Variants in SOD2 observed in about 807,000 individuals in gnomAD.
The protein encoded by SOD2 is superoxide dismutase [Mn], mitochondrial.
SOD2 carries 11 observed loss-of-function variants against 27.0 expected under a neutral mutation model. The ratio of observed to expected loss-of-function variants is 0.41; its 90% CI spans 0.26 to 0.67. SOD2 has a LOEUF of 0.67. SOD2 is among the 30% of genes least tolerant of loss of function. SOD2 has a pLI of 0.34. For missense variants in SOD2, 250 were observed against 274.5 expected, an observed-to-expected ratio of 0.91 and a Z score of 0.63; for synonymous variants, 105 against 103.0, an observed-to-expected ratio of 1.02 and a Z score of -0.12.
chr6:159,692,289 C>T (rs2842960), intron 2 of SOD2: 346,249 of 724,018 alleles, frequency 0.48, 85,733 homozygotes, highest in Admixed American at 0.55. Context: ...CCCCAAAGCA[C>T]ATTATACAAC....
At chr6:159,749,343 A>G (rs1404342220), upstream of SOD2, 5 of 985,732 alleles carry the variant, frequency 5.1e-6, no homozygotes, top group Non-Finnish European at 6.0e-6. Context: ...GTTGGTGTTA[A>G]TGGGGGAATG....
Position 159,725,831 on chromosome 6 carries a change from A to G in SOD2, c.-116+1298T>C, listed in dbSNP as rs138195489. 1.9e-3 allele frequency: 288 copies of G among 152,260 alleles called. 1 individual carries two copies. Among genetic ancestry groups the G allele is most frequent in the African/African-American group, 6.8e-3 (283 of 41,572 alleles). 9.4% of individuals were successfully genotyped at this position (152,260 alleles called of 1,614,324 possible). A position where few individuals can be genotyped will look rare whatever the true frequency, so the allele number is the denominator to read the frequency against. The stretch of plus-strand genomic sequence containing the variant: ...TATATGCTTATTTTTGCTTTTGAAT[A>G]CAGTGAATACTTACTACACTTAAAT... On this transcript the variant is annotated intron_variant, in intron 1 of 2. Transcript: ENST00000401980.
chr6:159,719,710 T>C (rs958765787), intron 1 of SOD2, among the ~76,000 whole-genome samples: 9 of 141,962 alleles, frequency 6.3e-5, no homozygotes, highest in African/African-American at 2.3e-4. Flanking sequence ...AACTCAGTAT[T>C]ATGGTTTTTT....
intron 4 of SOD2, among the ~76,000 whole-genome samples, chr6:159,683,984 A>G (rs1333792738): frequency 1.3e-5 from 2 of 152,140 alleles, no homozygotes; most frequent in Admixed American, 1.3e-4. Flanking sequence ...CTGCCAGACA[A>G]CTCATGGCTC....
At chr6:159,744,264 T>G (rs192673996) in intron 1 of SOD2, among the ~76,000 whole-genome samples, 113 of 152,344 alleles carry the variant, frequency 7.4e-4, no homozygotes, top group Non-Finnish European at 1.4e-3. Flanking sequence ...GTGTAGTATT[T>G]ACTATGTCTA....
In SOD2 at chr6:159,678,644, T is replaced by G. The variant is rs1779829962; in HGVS notation, c.*3849A>C. ...GGTAAACATAAGTAGAGTGTTTCTC[T>G]GTGTTCTGGGAGCTGCTCTAGCAAA... On this transcript the variant is annotated 3_prime_UTR_variant, in exon 5 of 5. Transcript: ENST00000538183. 6.6e-6 allele frequency: 1 copy of G among 152,236 alleles called. No individual in the cohort carries two copies. The highest frequency in any genetic ancestry group is 2.4e-5 in the African/African-American group (1 of 41,458). 9.4% of individuals were successfully genotyped at this position (152,236 alleles called of 1,614,324 possible).
upstream of SOD2, among the ~76,000 whole-genome samples, chr6:159,730,444 TA>T (rs551961713): frequency 7.4e-5 from 11 of 149,092 alleles, no homozygotes; most frequent in African/African-American, 1.2e-4. Context: ...TCATTTGCGC[TA>T]AAAAAAAAAT....
At chr6:159,748,925 C>G (rs1779718339), upstream of SOD2, 4 of 1,149,628 alleles carry the variant, frequency 3.5e-6, no homozygotes, top group African/African-American at 3.2e-5. The surrounding 1 kb of genome is among the most constrained non-coding windows in gnomAD (Gnocchi z 5.6). Flanking sequence ...TGGGTCAAAA[C>G]TCAAATGAGG....
At chr6:159,712,116 C>CTG in intron 1 of SOD2, among the ~76,000 whole-genome samples, 1 of 48,400 alleles carries the variant, frequency 2.1e-5, no homozygotes, top group African/African-American at 4.9e-5. Context: ...CTCAGCTGCT[C>CTG]AGACCTCCAT....
intron 1 of SOD2, chr6:159,755,518 A>G: frequency 6.2e-7 from 1 of 1,614,208 alleles, no homozygotes; most frequent in Admixed American, 1.7e-5. Context: ...AAGAGGAGAA[A>G]GCAGTGAGTG....
chr6:159,687,405 A>C (rs548515292), intron 3 of SOD2, among the ~76,000 whole-genome samples: 1 of 152,184 alleles, frequency 6.6e-6, no homozygotes, highest in Non-Finnish European at 1.5e-5. Context: ...GAATTGCATG[A>C]ACCTGAAAGG....
intron 1 of SOD2, among the ~76,000 whole-genome samples, chr6:159,759,803 C>T (rs1033507114): frequency 2.6e-5 from 4 of 152,148 alleles, no homozygotes; most frequent in African/African-American, 7.2e-5. Flanking sequence ...GGCCACTCAG[C>T]AGAAGCATGC....
chr6:159,690,942 T>C (rs567675063), intron 2 of SOD2: 2 of 152,278 alleles, frequency 1.3e-5, no homozygotes, highest in Non-Finnish European at 2.9e-5. Flanking sequence ...ATATTCATAT[T>C]AGTCAGTTAA....
intron 1 of SOD2, among the ~76,000 whole-genome samples, chr6:159,752,957 C>A (rs1391040123): frequency 1.3e-5 from 2 of 152,134 alleles, no homozygotes; most frequent in Non-Finnish European, 2.9e-5. Context: ...GGAGGACTTC[C>A]TGTTAAGGAA....
chr6:159,762,270 C>CGCGGGA (rs1437843140), exon 1 of SOD2: 1 of 1,313,704 alleles, frequency 7.6e-7, no homozygotes, highest in African/African-American at 1.5e-5. Context: ...CGCGAGGAGC[C>CGCGGGA]GCGGGATCCC....
At chr6:159,761,440 T>C in exon 1 of SOD2, 1 of 436,602 alleles carries the variant, frequency 2.3e-6, no homozygotes, top group Non-Finnish European at 4.6e-6. Context: ...ACAGCCAGAG[T>C]TGATCTTAGA....
chr6:159,727,607 C>A (rs1474439749), upstream of SOD2: 5 of 986,202 alleles, frequency 5.1e-6, no homozygotes, highest in Non-Finnish European at 6.0e-6. Flanking sequence ...CAGAGCTGTC[C>A]GGCTGCGCGG....
chr6:159,757,274 T>TA (rs774779659), intron 1 of SOD2, among the ~76,000 whole-genome samples: 5 of 152,220 alleles, frequency 3.3e-5, no homozygotes, highest in Non-Finnish European at 7.3e-5. Flanking sequence ...GGAGTGGAGT[T>TA]ATAATACTCG....
chr6:159,706,005 T>A (rs1445729120), intron 1 of SOD2, among the ~76,000 whole-genome samples: 3 of 152,188 alleles, frequency 2.0e-5, no homozygotes, highest in Admixed American at 6.5e-5. Flanking sequence ...GAATTTCATA[T>A]CCAGCCAAAC....
Sources: gnomAD v4.1 joint callset for allele counts (sites outside exome capture counted in the v4.1 genomes callset) on GRCh38, gnomAD v4.1.1 for gene constraint, Gnocchi (gnomAD v3.1) non-coding constraint, MANE v1.5 for transcripts, NCBI Gene and HGNC (gene_info 2026-07-23, HGNC 2026-07-21) for gene names.